TUSC3: variants seen among roughly 807,000 people sequenced by gnomAD.
The protein encoded by TUSC3 is tumor suppressor candidate 3.
In TUSC3, 45 loss-of-function variants were observed where a neutral mutation model predicts 44.8. The ratio of observed to expected loss-of-function variants is 1.00; its 90% CI spans 0.79 to 1.29. The LOEUF (loss-of-function observed/expected upper bound fraction) is 1.29, where lower values mean the gene tolerates loss of function less well. TUSC3 is among the 50% of genes most tolerant of loss of function. The pLI, the probability that TUSC3 is intolerant of heterozygous loss-of-function variation, is 0.00. For synonymous variants in TUSC3, 212 were observed against 152.9 expected (o/e 1.39, Z -2.85); for missense variants, 519 against 437.9 (o/e 1.19, Z -1.65).
chr8:15,500,513 G>C lies in TUSC3; in HGVS notation n.189+17030G>C, dbSNP rs191814239. 4.5e-3 allele frequency among the ~76,000 whole-genome samples: 691 copies of C among 152,130 alleles called. 3 individuals carry two copies. The highest frequency in any genetic ancestry group is 0.016 in the African/African-American group (657 of 41,510). On this transcript the variant is annotated intron_variant and non_coding_transcript_variant, in intron 2 of 5. Coordinates refer to the TUSC3 transcript ENST00000503191. ...CTAGTCACTGTTAACACACAAAAAAGGAAACCAGCATTTCAGTTGATCTAA... is the reference window on the plus strand; with the variant it reads ...CTAGTCACTGTTAACACACAAAAAACGAAACCAGCATTTCAGTTGATCTAA...
intron 1 of TUSC3, among the ~76,000 whole-genome samples, chr8:15,592,288 A>G (rs17121687): frequency 0.021 from 3,151 of 152,346 alleles, 95 homozygotes; most frequent in African/African-American, 0.07. Flanking sequence ...ATTGCATACT[A>G]TAATAGCAGT....
intron 2 of TUSC3, among the ~76,000 whole-genome samples, chr8:15,647,134 T>C (rs1585189403): frequency 6.6e-6 from 1 of 152,246 alleles, no homozygotes; most frequent in African/African-American, 2.4e-5. Flanking sequence ...ACCATAATTA[T>C]TACATTTGAG....
chr8:15,649,911 A>G (rs1013748377), intron 2 of TUSC3, among the ~76,000 whole-genome samples: 126 of 152,248 alleles, frequency 8.3e-4, no homozygotes, highest in African/African-American at 2.8e-3. Context: ...AAGCAATTTT[A>G]TTTTTTAAAA....
At chr8:15,433,550 A>G (rs1384652013) in intron 1 of TUSC3, among the ~76,000 whole-genome samples, 3 of 151,974 alleles carry the variant, frequency 2.0e-5, no homozygotes, top group African/African-American at 4.8e-5. Context: ...CCCCACCCAT[A>G]TAACAGCCCC....
chr8:15,470,061 G>T (rs940913936), intron 1 of TUSC3, among the ~76,000 whole-genome samples: 2 of 151,514 alleles, frequency 1.3e-5, no homozygotes, highest in Non-Finnish European at 2.9e-5. Context: ...TTCAAGACCA[G>T]CCTGGGAAAC....
the TUSC3 span, among the ~76,000 whole-genome samples, chr8:15,846,623 C>T: frequency 6.6e-6 from 1 of 152,016 alleles, no homozygotes; most frequent in Admixed American, 6.6e-5. Context: ...AACCAAACAC[C>T]ACACGTTCTC....
chr8:15,439,548 C>T (rs1424695483), intron 1 of TUSC3, among the ~76,000 whole-genome samples: 2 of 152,132 alleles, frequency 1.3e-5, no homozygotes, highest in South Asian at 2.1e-4. Context: ...CAGAGCAAGA[C>T]CCTGTCTCAA....
At chr8:15,848,661 C>G in the TUSC3 span, among the ~76,000 whole-genome samples, 9 of 152,304 alleles carry the variant, frequency 5.9e-5, no homozygotes, top group East Asian at 1.5e-3. Flanking sequence ...GTGGTAACCA[C>G]TGTCCAGTGA....
chr8:15,720,039 A>C (rs1030133305), intron 6 of TUSC3, among the ~76,000 whole-genome samples: 2 of 152,036 alleles, frequency 1.3e-5, no homozygotes, highest in African/African-American at 4.8e-5. Context: ...CTGCCTCAGC[A>C]TGTTGAGTAG....
intron 1 of TUSC3, among the ~76,000 whole-genome samples, chr8:15,417,721 A>C (rs1171299342): frequency 1.3e-5 from 2 of 152,146 alleles, no homozygotes; most frequent in African/African-American, 2.4e-5. Context: ...GACTTCAAAG[A>C]GATAGTATGC....
chr8:15,759,228 A>G (rs922065900), intron 10 of TUSC3, among the ~76,000 whole-genome samples: 1 of 152,122 alleles, frequency 6.6e-6, no homozygotes, highest in Admixed American at 6.6e-5. Context: ...TTGGATACCA[A>G]ATGAAATCTG....
At chr8:15,421,058 A>G (rs1362921736) in intron 1 of TUSC3, among the ~76,000 whole-genome samples, 2 of 152,088 alleles carry the variant, frequency 1.3e-5, no homozygotes, top group African/African-American at 4.8e-5. Flanking sequence ...CCTACTCACT[A>G]CCTCTGCTAG....
At chr8:15,486,635 G>C (rs1286283733) in intron 2 of TUSC3, among the ~76,000 whole-genome samples, 1 of 151,828 alleles carries the variant, frequency 6.6e-6, no homozygotes, top group Non-Finnish European at 1.5e-5. Flanking sequence ...AGTAGAGATG[G>C]GGTTTCACCA....
intron 1 of TUSC3, among the ~76,000 whole-genome samples, chr8:15,443,331 C>T (rs1047531215): frequency 8.0e-6 from 1 of 125,644 alleles, no homozygotes; most frequent in Non-Finnish European, 1.7e-5. Flanking sequence ...ACCACACCCA[C>T]CTAATTGTGT....
At chr8:15,637,125 A>G (rs373734062) in intron 2 of TUSC3, among the ~76,000 whole-genome samples, 1 of 152,146 alleles carries the variant, frequency 6.6e-6, no homozygotes, top group Admixed American at 6.5e-5. Flanking sequence ...TAGAAATGTT[A>G]TTATATCGTA....
Position 15,635,495 on chromosome 8 carries a change from C to T in TUSC3, c.308+12246C>T, listed in dbSNP as rs558462110. Reference sequence around the variant, plus strand: ...TGGCAAAAGGCACAGTATTATTAGACTGTAATATAGTCCAGAGAGCCAGAA... The same window carrying T: ...TGGCAAAAGGCACAGTATTATTAGATTGTAATATAGTCCAGAGAGCCAGAA... On this transcript the variant is annotated intron_variant, in intron 2 of 10. Transcript: ENST00000503731. 1.8e-4 allele frequency among the ~76,000 whole-genome samples: 27 copies of T among 152,206 alleles called. No homozygotes were observed. The East Asian group carries it at 3.9e-3, about 22-fold the overall frequency.
intron 10 of TUSC3, among the ~76,000 whole-genome samples, chr8:15,763,839 C>T (rs1041638186): frequency 6.6e-5 from 10 of 152,026 alleles, no homozygotes; most frequent in African/African-American, 2.4e-4. Context: ...TTAGGACATT[C>T]AAATGACCCA....
intron 1 of TUSC3, among the ~76,000 whole-genome samples, chr8:15,431,946 A>C (rs1365055058): frequency 2.0e-5 from 3 of 151,754 alleles, no homozygotes; most frequent in Non-Finnish European, 4.4e-5. Context: ...ATGTTGCACT[A>C]TCTTTGCATT....
chr8:15,533,218 A>T (rs1801474719), intron 2 of TUSC3, among the ~76,000 whole-genome samples: 1 of 152,212 alleles, frequency 6.6e-6, no homozygotes, highest in Non-Finnish European at 1.5e-5. Flanking sequence ...GCCACATGGA[A>T]CTGTAAGTCC....
Sources: allele counts gnomAD v4.1 joint callset (sites outside exome capture counted in the v4.1 genomes callset), GRCh38; gene constraint gnomAD v4.1.1; transcripts MANE v1.5; gene names NCBI Gene and HGNC (gene_info 2026-07-23, HGNC 2026-07-21).